The following GRM7 variants were observed in gnomAD, a reference collection of about 807,000 sequenced individuals.
The protein encoded by GRM7 is glutamate metabotropic receptor 7, also known as metabotropic glutamate receptor 7.
A neutral mutation model predicts 84.5 loss-of-function variants in GRM7; 35 were observed. That is an observed-to-expected ratio of 0.41 (90% CI 0.32 to 0.55). The LOEUF (loss-of-function observed/expected upper bound fraction) is 0.55, where lower values mean the gene tolerates loss of function less well. GRM7 is among the 20% of genes least tolerant of loss of function. The pLI is 0.19. For synonymous variants in GRM7, 487 were observed against 455.1 expected (o/e 1.07, Z -0.89); for missense variants, 1,003 against 1,194.6 (o/e 0.84, Z 2.36).
intron 4 of GRM7, among the ~76,000 whole-genome samples, chr3:7,333,558 T>G (rs1701292844): frequency 6.6e-6 from 1 of 152,076 alleles, no homozygotes; most frequent in East Asian, 1.9e-4. Flanking sequence ...TATGACAAAA[T>G]GAGGTTCTAT....
chr3:7,046,625 A>T (rs1696816247), intron 1 of GRM7, among the ~76,000 whole-genome samples: 1 of 152,084 alleles, frequency 6.6e-6, no homozygotes, highest in South Asian at 2.1e-4. Flanking sequence ...AGGCATAGAC[A>T]TTTCATATGG....
chr3:7,369,999 G>GA (rs547515257), intron 4 of GRM7, among the ~76,000 whole-genome samples: 170 of 152,216 alleles, frequency 1.1e-3, no homozygotes, highest in Non-Finnish European at 1.3e-3. Flanking sequence ...ATCTCTCTGG[G>GA]AAAAAATAAC....
intron 7 of GRM7, among the ~76,000 whole-genome samples, chr3:7,484,047 C>G (rs1699232223): frequency 6.6e-6 from 1 of 152,076 alleles, no homozygotes; most frequent in Non-Finnish European, 1.5e-5. Context: ...TGCAAAGATT[C>G]AAAGATCTGA....
intron 1 of GRM7, among the ~76,000 whole-genome samples, chr3:6,987,197 C>G (rs1694447702): frequency 6.6e-6 from 1 of 152,068 alleles, no homozygotes; most frequent in Non-Finnish European, 1.5e-5. Context: ...TGTGCACTTA[C>G]TATGGCACAA....
chr3:7,201,220 C>A (rs553554974), intron 2 of GRM7, among the ~76,000 whole-genome samples: 13 of 152,116 alleles, frequency 8.5e-5, no homozygotes, highest in Non-Finnish European at 1.6e-4. Flanking sequence ...CTGCCCGCCT[C>A]GGCCTCCCAA....
intron 3 of GRM7, among the ~76,000 whole-genome samples, chr3:7,301,521 G>A (rs574454930): frequency 2.0e-5 from 3 of 152,186 alleles, no homozygotes; most frequent in South Asian, 2.1e-4. Flanking sequence ...ATTGCACAAG[G>A]CACATAAAAG....
At chr3:7,678,842 T>G (rs981005100) in intron 8 of GRM7, among the ~76,000 whole-genome samples, 2 of 152,300 alleles carry the variant, frequency 1.3e-5, no homozygotes, top group Admixed American at 6.5e-5. Context: ...GATGGAAATT[T>G]TTGTATAGCG....
chr3:7,352,055 CACCACACA>C (rs771393575), intron 4 of GRM7, among the ~76,000 whole-genome samples: 23 of 99,966 alleles, frequency 2.3e-4, no homozygotes, highest in East Asian at 9.7e-4. Flanking sequence ...CACACACACA[CACCACACA>C]CACACACACA....
At chr3:7,569,225 CT>C (rs1694515369) in intron 7 of GRM7, among the ~76,000 whole-genome samples, 1 of 152,114 alleles carries the variant, frequency 6.6e-6, no homozygotes, top group Non-Finnish European at 1.5e-5. Context: ...TCTAACTACT[CT>C]GGTGGGGACT....
chr3:7,342,758 T>C (rs1053062390), intron 4 of GRM7, among the ~76,000 whole-genome samples: 2 of 152,122 alleles, frequency 1.3e-5, no homozygotes, highest in Non-Finnish European at 1.5e-5. Flanking sequence ...GGTACCACAC[T>C]TTGAGAACCG....
chr3:7,160,203 C>T (rs1388921760), intron 2 of GRM7, among the ~76,000 whole-genome samples: 1 of 152,072 alleles, frequency 6.6e-6, no homozygotes, highest in Non-Finnish European at 1.5e-5. Flanking sequence ...AAGGACAGCT[C>T]TTGAACCTGG....
intron 7 of GRM7, among the ~76,000 whole-genome samples, chr3:7,465,853 G>C (rs1171089858): frequency 6.6e-6 from 1 of 152,106 alleles, no homozygotes; most frequent in Admixed American, 6.5e-5. Flanking sequence ...CTGCTCTGCT[G>C]TTCCCTGTGC....
rs183690726 is a variant in GRM7, at chr3:7,577,725, T to C, written c.1516-697T>C. The stretch of plus-strand genomic sequence containing the variant: ...GCCAAATGGTTTCCAGACCATATTA[T>C]TTTCTTATCAAATACTTCCTGAATT... On this transcript the variant is annotated intron_variant, in intron 7 of 9. Coordinates refer to ENST00000357716, the MANE Select transcript of GRM7 (RefSeq NM_000844.4). Among the ~76,000 whole-genome samples, 215 of 152,326 alleles carry C rather than the reference T, an allele frequency of 1.4e-3. 1 individual carries two copies. Among genetic ancestry groups the C allele is most frequent in the African/African-American group, 4.9e-3 (204 of 41,574 alleles).
intron 8 of GRM7, among the ~76,000 whole-genome samples, chr3:7,631,867 T>A (rs1046377449): frequency 6.6e-6 from 1 of 152,170 alleles, no homozygotes; most frequent in Non-Finnish European, 1.5e-5. Context: ...AATGTGTGTG[T>A]CTGTGTGTGT....
At chr3:7,523,498 C>T (rs932599788) in intron 7 of GRM7, among the ~76,000 whole-genome samples, 2 of 152,152 alleles carry the variant, frequency 1.3e-5, no homozygotes, top group Non-Finnish European at 2.9e-5. Context: ...GAAGTGTACA[C>T]TCCTGCTGTA....
At chr3:7,003,912 G>A (rs62236577) in intron 1 of GRM7, among the ~76,000 whole-genome samples, 7,417 of 152,248 alleles carry the variant, frequency 0.049, 363 homozygotes, top group East Asian at 0.2. Context: ...TAATTGGAAG[G>A]CTTGTCTGGC....
At chr3:7,239,963 A>G in intron 2 of GRM7, among the ~76,000 whole-genome samples, 1 of 152,116 alleles carries the variant, frequency 6.6e-6, no homozygotes, top group East Asian at 1.9e-4. Flanking sequence ...GCATTTTAAA[A>G]AGCATCCTAA....
rs1480021676 is a variant in GRM7 at position 6,911,917 on chromosome 3, G to A, written c.519+50010G>A. 3.3e-5 allele frequency among the ~76,000 whole-genome samples: 5 copies of A among 152,172 alleles called. No homozygotes were observed. The East Asian group carries it at 9.7e-4, about 29-fold the overall frequency. ...AGACGTTTTCAAAATGATTTGCATC[G>A]TGTCAGCCACATTCAAGTCCATCGA... On this transcript the variant is annotated intron_variant, in intron 1 of 9. Transcript: ENST00000357716.
At chr3:7,435,199 T>G (rs1423410141) in intron 5 of GRM7, among the ~76,000 whole-genome samples, 1 of 152,050 alleles carries the variant, frequency 6.6e-6, no homozygotes, top group Non-Finnish European at 1.5e-5. Flanking sequence ...TGTCTCACTT[T>G]GTTGCCTTGG....
Sources: gnomAD v4.1 joint callset for allele counts (sites outside exome capture counted in the v4.1 genomes callset) on GRCh38, gnomAD v4.1.1 for gene constraint, MANE v1.5 for transcripts, NCBI Gene and HGNC (gene_info 2026-07-23, HGNC 2026-07-21) for gene names.